Variants in GAS2 observed in about 807,000 individuals in gnomAD.
GAS2 encodes the protein growth arrest specific 2, also known as growth arrest-specific protein 2.
In GAS2, 20 loss-of-function variants were observed where a neutral mutation model predicts 37.5. The ratio of observed to expected loss-of-function variants is 0.53; its 90% CI spans 0.37 to 0.77. GAS2 has a LOEUF of 0.77. Ranked by LOEUF, GAS2 falls within the 30% of genes least tolerant of loss-of-function variation. The pLI, the probability that GAS2 is intolerant of heterozygous loss-of-function variation, is 0.00. For synonymous variants in GAS2, 144 were observed against 132.2 expected (o/e 1.09, Z -0.61); for missense variants, 336 against 373.4 (o/e 0.90, Z 0.82).
chr11:22,709,756 C>T (rs948873287), intron 3 of GAS2, among the ~76,000 whole-genome samples: 2 of 152,124 alleles, frequency 1.3e-5, no homozygotes, highest in African/African-American at 2.4e-5. Context: ...GACTTGGAAC[C>T]AATCCAAATG....
At position 22,726,312 on chromosome 11, in the gene GAS2, C is replaced by G. The variant is rs780615369; in HGVS notation, c.288C>G (p.Ile96Met). The change falls in exon 4 of 8, where the codon ATC becomes ATG. Residue 96 changes from isoleucine to methionine, a missense_variant. Transcript: ENST00000454584. ...KPTKNLPLKK[I>M]PCKTSAPSGS... ...TTCAGAATCTACCGTTGAAGAAGAT[C>G]CCATGCAAAACCAGTGCACCCTCGG... The G allele has an allele frequency of 1.2e-6, 2 of 1,604,968 alleles. No individual in the cohort carries two copies.
In GAS2 at chr11:22,703,172, G is replaced by A. The variant is rs961663462; in HGVS notation, c.267+17383G>A. The stretch of plus-strand genomic sequence containing the variant: ...TAGCACCAGCGCAGTGTTGTCCCTT[G>A]AGCATGAAAGTAAACCTGACTGAAT... On this transcript the variant is annotated intron_variant, in intron 3 of 7. Coordinates refer to ENST00000454584, the MANE Select transcript of GAS2 (RefSeq NM_001143830.3). 1.5e-4 allele frequency among the ~76,000 whole-genome samples: 23 copies of A among 152,094 alleles called. 1 individual carries two copies.
intron 1 of GAS2, among the ~76,000 whole-genome samples, chr11:22,641,286 A>G (rs1001537118): frequency 2.5e-4 from 30 of 122,098 alleles, no homozygotes; most frequent in African/African-American, 9.1e-4. Flanking sequence ...ATATATCTAT[A>G]TCTTTATATA....
chr11:22,715,267 A>G (rs1414345734), intron 3 of GAS2, among the ~76,000 whole-genome samples: 1 of 151,802 alleles, frequency 6.6e-6, no homozygotes, highest in Non-Finnish European at 1.5e-5. Flanking sequence ...CAAGACCACC[A>G]TGAACAACAT....
rs904244136 is a variant in GAS2 at position 22,757,330 on chromosome 11, A to G, written c.723+1377A>G. Among the ~76,000 whole-genome samples the G allele has an allele frequency of 6.6e-5, 10 of 152,102 alleles. No individual in the cohort carries two copies. In the East Asian group the frequency reaches 1.9e-3, roughly 29 times the overall value. On this transcript the variant is annotated intron_variant, in intron 7 of 7. Transcript: ENST00000454584. ...TACTATATAAGGCAGGTTTTTTGAT[A>G]TTCCATTTTTCTTTTCAAGAAATAG...
intron 1 of GAS2, among the ~76,000 whole-genome samples, chr11:22,646,132 T>C (rs973909002): frequency 5.9e-5 from 9 of 152,138 alleles, no homozygotes; most frequent in Non-Finnish European, 1.0e-4. Flanking sequence ...CGTCATTATT[T>C]ACTGAGAAAA....
At chr11:22,748,127 A>G (rs1853513772) in intron 5 of GAS2, among the ~76,000 whole-genome samples, 1 of 152,112 alleles carries the variant, frequency 6.6e-6, no homozygotes, top group African/African-American at 2.4e-5. Context: ...GTAGATTAAA[A>G]AAAACATGTT....
At chr11:22,690,480 GCAGAGACTTCA>G (rs2133968072) in intron 3 of GAS2, among the ~76,000 whole-genome samples, 1 of 152,264 alleles carries the variant, frequency 6.6e-6, no homozygotes, top group Non-Finnish European at 1.5e-5. Flanking sequence ...TGGGAGCAAT[GCAGAGACTTCA>G]CAGACTAGGG....
In GAS2 at chr11:22,652,778, G is replaced by A. The variant is rs1164891348; in HGVS notation, c.-20-22072G>A. Among the ~76,000 whole-genome samples, 3 of 152,148 alleles carry A rather than the reference G, an allele frequency of 2.0e-5. No individual in the cohort carries two copies. In the East Asian group the frequency reaches 5.8e-4, roughly 29 times the overall value. On this transcript the variant is annotated intron_variant, in intron 1 of 5. Transcript: ENST00000528582. Reference sequence around the variant, plus strand: ...TGAGGCAATGCCTCGCCCTGCTTCGGCTCGCACACGGTGCGCGCACCCACT... The same window carrying A: ...TGAGGCAATGCCTCGCCCTGCTTCGACTCGCACACGGTGCGCGCACCCACT...
At chr11:22,659,179 T>G (rs1404316895) in intron 1 of GAS2, among the ~76,000 whole-genome samples, 3 of 152,220 alleles carry the variant, frequency 2.0e-5, no homozygotes, top group Non-Finnish European at 4.4e-5. Context: ...GCGATTAATG[T>G]GTGAAACTAG....
chr11:22,717,128 A>G (rs1851718415), intron 3 of GAS2, among the ~76,000 whole-genome samples: 1 of 62,654 alleles, frequency 1.6e-5, no homozygotes. Flanking sequence ...ATCATTCTTC[A>G]CATAACTAGG....
At chr11:22,652,614 A>G (rs1347061617) in intron 1 of GAS2, among the ~76,000 whole-genome samples, 1 of 152,182 alleles carries the variant, frequency 6.6e-6, no homozygotes, top group African/African-American at 2.4e-5. Flanking sequence ...TGGGGGATAT[A>G]ATCTCCCGGT....
At chr11:22,771,103 A>G (rs1237120425) in intron 7 of GAS2, among the ~76,000 whole-genome samples, 1 of 150,560 alleles carries the variant, frequency 6.6e-6, no homozygotes, top group Non-Finnish European at 1.5e-5. Context: ...TTTTTTTTTC[A>G]TGAGGTACTA....
At chr11:22,663,272 G>A (rs1415525760), upstream of GAS2, among the ~76,000 whole-genome samples, 4 of 152,008 alleles carry the variant, frequency 2.6e-5, no homozygotes, top group Non-Finnish European at 4.4e-5. Context: ...TTTGAATGGG[G>A]ACATAGAGCC....
intron 3 of GAS2, chr11:22,688,472 C>T (rs1476815787): frequency 2.0e-5 from 3 of 152,036 alleles, no homozygotes; most frequent in Admixed American, 1.3e-4. Flanking sequence ...TTGTATTTAG[C>T]ATGAGAGCTG....
At chr11:22,693,725 T>C (rs573832944) in intron 3 of GAS2, among the ~76,000 whole-genome samples, 3 of 152,182 alleles carry the variant, frequency 2.0e-5, no homozygotes, top group Non-Finnish European at 4.4e-5. Flanking sequence ...TGTCACCTGA[T>C]TCCTCACAAA....
At chr11:22,741,288 A>T (rs1853063540) in intron 5 of GAS2, among the ~76,000 whole-genome samples, 1 of 142,428 alleles carries the variant, frequency 7.0e-6, no homozygotes, top group South Asian at 2.4e-4. Context: ...TCAGTTTCTG[A>T]ATATAAAATA....
chr11:22,794,408 A>G (rs1246693461), intron 7 of GAS2, among the ~76,000 whole-genome samples: 1 of 151,992 alleles, frequency 6.6e-6, no homozygotes, highest in Non-Finnish European at 1.5e-5. Context: ...AAATTATTTA[A>G]TTATGCTGCT....
At chr11:22,663,916 G>C (rs1020356677), upstream of GAS2, among the ~76,000 whole-genome samples, 1 of 152,016 alleles carries the variant, frequency 6.6e-6, no homozygotes, top group Non-Finnish European at 1.5e-5. Flanking sequence ...ATGCTAGGTT[G>C]GGAAAAATAA....
Sources: gnomAD v4.1 joint callset for allele counts (sites outside exome capture counted in the v4.1 genomes callset) on GRCh38, gnomAD v4.1.1 for gene constraint, MANE v1.5 for transcripts, NCBI Gene and HGNC (gene_info 2026-07-23, HGNC 2026-07-21) for gene names.